The following DROSHA variants were observed in gnomAD, a reference collection of about 807,000 sequenced individuals.
DROSHA encodes the protein ribonuclease 3.
DROSHA carries 56 observed loss-of-function variants against 181.9 expected under a neutral mutation model. That is an observed-to-expected ratio of 0.31 (90% confidence interval 0.25 to 0.38). The LOEUF (loss-of-function observed/expected upper bound fraction) is 0.38, where lower values mean the gene tolerates loss of function less well. Among genes scored for constraint, DROSHA ranks in the 10% least tolerant of loss-of-function variants. DROSHA has a pLI of 1.00. For synonymous variants in DROSHA, 524 were observed against 591.2 expected (o/e 0.89, Z 1.65); for missense variants, 1,218 against 1,743.5 (o/e 0.70, Z 5.37).
chr5:31,404,010 T>A (rs1365134256), intron 35 of DROSHA, among the ~76,000 whole-genome samples: 1 of 151,794 alleles, frequency 6.6e-6, no homozygotes, highest in Admixed American at 6.6e-5. Flanking sequence ...CTCGAACCCC[T>A]GGGCTCAAGT....
At chr5:31,456,463 TACACACACACAC>T (rs35756228) in intron 20 of DROSHA, among the ~76,000 whole-genome samples, 2 of 146,534 alleles carry the variant, frequency 1.4e-5, no homozygotes, top group Non-Finnish European at 3.0e-5. Context: ...GACAACAAGA[TACACACACACAC>T]ACACACACAC....
At chr5:31,520,719 T>A (rs1739800148) in intron 6 of DROSHA, among the ~76,000 whole-genome samples, 1 of 152,218 alleles carries the variant, frequency 6.6e-6, no homozygotes, top group Non-Finnish European at 1.5e-5. Flanking sequence ...TAGAATTGAT[T>A]ACACCCTTTA....
rs1345563604 is a variant in DROSHA at position 31,437,111 on chromosome 5, CAA to C, written c.2942+126_2942+127del. 6 of 1,040,488 alleles carry C rather than the reference CAA, an allele frequency of 5.8e-6. No homozygotes were observed. In the African/African-American group the frequency reaches 9.7e-5, roughly 17 times the overall value. 64.5% of individuals were successfully genotyped at this position (1,040,488 alleles called of 1,614,324 possible). A position where few individuals can be genotyped will look rare whatever the true frequency, so the allele number is the denominator to read the frequency against. ...ACAGACATGTGGCTTCTAAGCTCTA[CAA>C]AAGAGATAAAATACACGGTGTATCA... On this transcript the variant is annotated intron_variant, in intron 24 of 35. Transcript: ENST00000344624.
intron 26 of DROSHA, among the ~76,000 whole-genome samples, chr5:31,429,802 A>G (rs1743948747): frequency 6.6e-6 from 1 of 152,204 alleles, no homozygotes. Context: ...CCAAATATCA[A>G]CTATTATGAA....
intron 17 of DROSHA, among the ~76,000 whole-genome samples, chr5:31,471,042 G>A (rs1040541820): frequency 3.9e-5 from 6 of 151,984 alleles, no homozygotes; most frequent in East Asian, 3.9e-4. Context: ...AAAATTATAC[G>A]ATTTTCTGGT....
intron 35 of DROSHA, among the ~76,000 whole-genome samples, chr5:31,402,719 G>T (rs1047317125): frequency 4.6e-5 from 7 of 152,140 alleles, no homozygotes; most frequent in Non-Finnish European, 7.3e-5. Flanking sequence ...GGGACAGGGT[G>T]GTAGGAAAAG....
intron 11 of DROSHA, among the ~76,000 whole-genome samples, chr5:31,496,839 T>C (rs1292338835): frequency 6.6e-6 from 1 of 152,246 alleles, no homozygotes; most frequent in Non-Finnish European, 1.5e-5. Context: ...GTACAGCCAG[T>C]GACAACTTTC....
intron 16 of DROSHA, among the ~76,000 whole-genome samples, chr5:31,481,286 A>G (rs1751004578): frequency 6.6e-6 from 1 of 152,208 alleles, no homozygotes; most frequent in Admixed American, 6.5e-5. Context: ...AACCCTGTTT[A>G]AAAACAAATC....
At chr5:31,439,314 ATCCCTT>A (rs750483113) in intron 23 of DROSHA, among the ~76,000 whole-genome samples, 39 of 152,284 alleles carry the variant, frequency 2.6e-4, no homozygotes, top group Non-Finnish European at 5.1e-4. Flanking sequence ...ACCTGGGATA[ATCCCTT>A]TTTCTAGTAT....
chr5:31,512,744 G>A lies in DROSHA; in HGVS notation c.1291-1568C>T, dbSNP rs75454258. Among the ~76,000 whole-genome samples, 249 of 152,216 alleles carry A rather than the reference G, an allele frequency of 1.6e-3. 1 individual carries two copies. Among genetic ancestry groups the A allele is most frequent in the African/African-American group, 5.9e-3 (243 of 41,538 alleles). ...GATATTCAAAACACGAGAAGGACTC[G>A]ACCACCATTGCTGGCTTCGAAGACA... On this transcript the variant is annotated intron_variant, in intron 8 of 35. Coordinates refer to ENST00000344624, the MANE Select transcript of DROSHA (RefSeq NM_001382508.1).
At chr5:31,494,130 G>A (rs1752706318) in intron 12 of DROSHA, among the ~76,000 whole-genome samples, 1 of 152,016 alleles carries the variant, frequency 6.6e-6, no homozygotes, top group South Asian at 2.1e-4. Context: ...CACTATGCCA[G>A]GCTAATTTTT....
intron 19 of DROSHA, among the ~76,000 whole-genome samples, 182 bp downstream of exon 19, chr5:31,466,000 T>A (rs772930726): frequency 5.9e-5 from 9 of 152,168 alleles, no homozygotes; most frequent in Non-Finnish European, 1.0e-4. Flanking sequence ...AAAGGCTCTC[T>A]TAAATATTAA....
chr5:31,501,302 G>T (rs1023235924), intron 11 of DROSHA, among the ~76,000 whole-genome samples: 17 of 152,098 alleles, frequency 1.1e-4, no homozygotes, highest in African/African-American at 4.1e-4. Flanking sequence ...GACTTACAGT[G>T]GGTCTACTGA....
chr5:31,450,192 T>C (rs1746803754), intron 21 of DROSHA, among the ~76,000 whole-genome samples: 1 of 152,060 alleles, frequency 6.6e-6, no homozygotes, highest in Non-Finnish European at 1.5e-5. Flanking sequence ...TGTGATGCAG[T>C]GAAAAGGGAA....
intron 27 of DROSHA, among the ~76,000 whole-genome samples, chr5:31,427,295 T>A (rs1743596739): frequency 6.6e-6 from 1 of 151,982 alleles, no homozygotes; most frequent in Non-Finnish European, 1.5e-5. Flanking sequence ...ATTAACATAA[T>A]CAAAATGAAA....
chr5:31,508,883 C>T (rs961791527), intron 9 of DROSHA, 108 bp from the exon 10 acceptor site: 19 of 1,269,484 alleles, frequency 1.5e-5, no homozygotes, highest in East Asian at 5.2e-5. Context: ...GAGTGCAGTG[C>T]GCGATCTCAG....
chr5:31,476,706 T>C (rs1750404907), intron 16 of DROSHA, among the ~76,000 whole-genome samples: 3 of 152,194 alleles, frequency 2.0e-5, no homozygotes, highest in Admixed American at 6.5e-5. Flanking sequence ...TGTCTGGTTT[T>C]GGGGCTCGAT....
intron 17 of DROSHA, among the ~76,000 whole-genome samples, chr5:31,469,678 A>C (rs1296603098): frequency 6.8e-6 from 1 of 147,710 alleles, no homozygotes; most frequent in Admixed American, 6.9e-5. Flanking sequence ...TGGTACCAAC[A>C]CAGGAAACAG....
intron 35 of DROSHA, among the ~76,000 whole-genome samples, chr5:31,403,271 T>C (rs1039329358): frequency 6.6e-6 from 1 of 152,224 alleles, no homozygotes; most frequent in African/African-American, 2.4e-5. Flanking sequence ...GAATAAACTC[T>C]ACTGTAAAAT....
Sources: gnomAD v4.1 joint callset for allele counts (sites outside exome capture counted in the v4.1 genomes callset) on GRCh38, gnomAD v4.1.1 for gene constraint, MANE v1.5 for transcripts, NCBI Gene and HGNC (gene_info 2026-07-23, HGNC 2026-07-21) for gene names.